SPSB4: variants seen among roughly 807,000 people sequenced by gnomAD.
SPSB4 encodes splA/ryanodine receptor domain and SOCS box containing 4, also known as SPRY domain-containing SOCS box protein 4.
Under a neutral mutation model 20.9 loss-of-function variants are expected in SPSB4, and 21 were observed. That is an observed-to-expected ratio of 1.01 (90% CI 0.71 to 1.45). The LOEUF is 1.45. Ranked by LOEUF, SPSB4 falls within the 40% of genes most tolerant of loss-of-function variation. SPSB4 has a pLI of 0.00. For missense variants in SPSB4, 399 were observed against 399.2 expected, an observed-to-expected ratio of 1.00 and a Z score of 0.00; for synonymous variants, 207 against 183.8, an observed-to-expected ratio of 1.13 and a Z score of -1.02.
chr3:141,125,087 C>G (rs759437876), intron 2 of SPSB4, among the ~76,000 whole-genome samples: 1 of 152,098 alleles, frequency 6.6e-6, no homozygotes, highest in African/African-American at 2.4e-5. Flanking sequence ...TTCATTTCCC[C>G]CCACAAGAAA....
intron 2 of SPSB4, among the ~76,000 whole-genome samples, chr3:141,078,683 A>G (rs2107785462): frequency 6.6e-6 from 1 of 152,252 alleles, no homozygotes; most frequent in East Asian, 1.9e-4. Context: ...AAGCAGCTTC[A>G]TTTCACTGTT....
intron 1 of SPSB4, among the ~76,000 whole-genome samples, chr3:141,058,126 T>G (rs768021619): frequency 6.6e-6 from 1 of 152,186 alleles, no homozygotes. Flanking sequence ...ACAGCAGTCA[T>G]GTCTTCTTGC....
chr3:141,072,218 G>A (rs909258398), intron 2 of SPSB4, among the ~76,000 whole-genome samples: 19 of 152,352 alleles, frequency 1.2e-4, no homozygotes, highest in African/African-American at 4.3e-4. Context: ...CCACCCATAG[G>A]CCTTCTTTCC....
At chr3:141,087,330 C>A (rs887481136) in intron 2 of SPSB4, among the ~76,000 whole-genome samples, 1 of 152,106 alleles carries the variant, frequency 6.6e-6, no homozygotes, top group African/African-American at 2.4e-5. Context: ...GACAGTCTGA[C>A]GGAGCATGAT....
intron 1 of SPSB4, among the ~76,000 whole-genome samples, chr3:141,061,907 A>AT (rs34202478): frequency 6.6e-6 from 1 of 151,838 alleles, no homozygotes; most frequent in Non-Finnish European, 1.5e-5. Context: ...GGCTAATTTT[A>AT]TTTTTTTAGT....
At position 141,084,967 on chromosome 3, in the gene SPSB4, G is replaced by C. The variant is rs988064619; in HGVS notation, c.694+18169G>C. Among the ~76,000 whole-genome samples the C allele has an allele frequency of 1.3e-5, 2 of 152,226 alleles. 1 individual carries two copies. Among genetic ancestry groups the C allele is most frequent in the Middle Eastern group, 6.3e-3 (2 of 316 alleles). Reference sequence around the variant, plus strand: ...GGAATTGGTGATAGGGGTTGTAATTGAGCAGGAAGGCCAGGGCACTGTGGG... The same window carrying C: ...GGAATTGGTGATAGGGGTTGTAATTCAGCAGGAAGGCCAGGGCACTGTGGG... On this transcript the variant is annotated intron_variant, in intron 2 of 2. Coordinates refer to ENST00000310546, the MANE Select transcript of SPSB4 (RefSeq NM_080862.3).
At chr3:141,069,914 C>T (rs1212754059) in intron 2 of SPSB4, among the ~76,000 whole-genome samples, 6 of 152,210 alleles carry the variant, frequency 3.9e-5, no homozygotes, top group Admixed American at 6.5e-5. Context: ...ATTTTTATTA[C>T]GGTAAAAGCA....
chr3:141,114,107 T>C (rs541191070), intron 2 of SPSB4, among the ~76,000 whole-genome samples: 1 of 152,278 alleles, frequency 6.6e-6, no homozygotes, highest in South Asian at 2.1e-4. Flanking sequence ...AAATAAATGA[T>C]TAATTTCATG....
chr3:141,079,089 G>A (rs919261946), intron 2 of SPSB4, among the ~76,000 whole-genome samples: 7 of 152,040 alleles, frequency 4.6e-5, no homozygotes, highest in East Asian at 1.9e-4. Flanking sequence ...GTGAAACCCC[G>A]TCTCTACTAA....
rs1010599700 is a variant in SPSB4 at position 141,051,616 on chromosome 3, C to T, written c.-530C>T. 1.4e-5 allele frequency: 2 copies of T among 143,156 alleles called. No homozygotes were observed. The highest frequency in any genetic ancestry group is 5.0e-5 in the African/African-American group (2 of 40,006). The allele number at this position is 143,156 out of a possible 1,614,324, so 8.9% of individuals were successfully genotyped here. A position where few individuals can be genotyped will look rare whatever the true frequency, so the allele number is the denominator to read the frequency against. ...GGGGGCCAGCGGCCGAGGCGCGGCC[C>T]GTGCGCCCTGAGCGCGGGACTCGTC... On this transcript the variant is annotated 5_prime_UTR_variant, in exon 1 of 3. Transcript: ENST00000310546.
chr3:141,065,988 G>C lies in SPSB4; in HGVS notation c.-117G>C. On this transcript the variant is annotated 5_prime_UTR_variant, in exon 2 of 3. Coordinates refer to ENST00000310546, the MANE Select transcript of SPSB4 (RefSeq NM_080862.3). ...CCTGCCGCAGCCCGGTAGAGGCTGT[G>C]GAGGTCTACCGTCCGGAAGCCTGGT... 1.1e-6 allele frequency: 1 copy of C among 933,166 alleles called. No homozygotes were observed. The highest frequency in any genetic ancestry group is 1.9e-5 in the South Asian group (1 of 53,582). The allele number at this position is 933,166 out of a possible 1,614,324, so 57.8% of individuals were successfully genotyped here.
chr3:141,113,956 C>T (rs149163050), intron 2 of SPSB4, among the ~76,000 whole-genome samples: 188 of 152,170 alleles, frequency 1.2e-3, no homozygotes, highest in African/African-American at 4.0e-3. Flanking sequence ...GACATGGTGG[C>T]GCATGCCTGT....
At position 141,142,803 on chromosome 3, in the gene SPSB4, C is replaced by CTTTTTTTT. The variant is rs57674247; in HGVS notation, c.695-4315_695-4308dup. ...ATTATGATATAATGTCCCTCTTTGT[C>CTTTTTTTT]TTTTTTTTTTTTTTTTTTTTTTTTT... On this transcript the variant is annotated intron_variant, in intron 2 of 2. Transcript: ENST00000310546. Among the ~76,000 whole-genome samples the CTTTTTTTT allele has an allele frequency of 9.4e-3, 582 of 62,050 alleles. 61 individuals are homozygous for CTTTTTTTT. The highest frequency in any genetic ancestry group is 0.014 in the Non-Finnish European group (423 of 30,602). 40.7% of individuals were successfully genotyped at this position (62,050 alleles called of 152,430 possible).
intron 2 of SPSB4, among the ~76,000 whole-genome samples, chr3:141,070,437 A>G (rs1031517139): frequency 4.6e-5 from 7 of 151,798 alleles, no homozygotes; most frequent in Non-Finnish European, 8.8e-5. Flanking sequence ...GGCTCAAATG[A>G]TCCTCCCCTC....
intron 1 of SPSB4, among the ~76,000 whole-genome samples, chr3:141,061,526 T>C (rs1008900206): frequency 2.0e-5 from 3 of 152,014 alleles, no homozygotes; most frequent in Non-Finnish European, 4.4e-5. Flanking sequence ...ATCACCCTAG[T>C]TTCCCCAATT....
At chr3:141,122,865 A>G (rs1167805772) in intron 2 of SPSB4, among the ~76,000 whole-genome samples, 5 of 152,226 alleles carry the variant, frequency 3.3e-5, no homozygotes, top group Admixed American at 3.3e-4. Context: ...TCCCTTGGCT[A>G]GAAAAGGGAA....
intron 2 of SPSB4, among the ~76,000 whole-genome samples, chr3:141,145,186 T>G (rs145720938): frequency 7.2e-6 from 1 of 138,076 alleles, no homozygotes; most frequent in East Asian, 2.1e-4. Flanking sequence ...AATTATACAA[T>G]AAAAATAATA....
At chr3:141,072,765 AC>A (rs372016160) in intron 2 of SPSB4, among the ~76,000 whole-genome samples, 5 of 152,330 alleles carry the variant, frequency 3.3e-5, no homozygotes, top group African/African-American at 1.2e-4. Flanking sequence ...AGATTTAAAT[AC>A]TACCAAAGGG....
intron 2 of SPSB4, among the ~76,000 whole-genome samples, chr3:141,135,991 C>G (rs111277903): frequency 6.6e-6 from 1 of 152,010 alleles, no homozygotes. Flanking sequence ...TCTCCACATC[C>G]TCTCCAGCAC....
Sources: gnomAD v4.1 joint callset for allele counts (sites outside exome capture counted in the v4.1 genomes callset) on GRCh38, gnomAD v4.1.1 for gene constraint, MANE v1.5 for transcripts, NCBI Gene and HGNC (gene_info 2026-07-23, HGNC 2026-07-21) for gene names.